Variants in MSH3 observed in about 807,000 individuals in gnomAD.
The protein encoded by MSH3 is DNA mismatch repair protein Msh3.
In MSH3, 106 loss-of-function variants were observed where a neutral mutation model predicts 123.3. The observed-to-expected ratio is 0.86, with a 90% CI of 0.73 to 1.01. MSH3 has a LOEUF of 1.01. MSH3 is among the 50% of genes least tolerant of loss of function. MSH3 has a pLI of 0.00. For synonymous variants in MSH3, 515 were observed against 481.4 expected, an observed-to-expected ratio of 1.07 and a Z score of -0.91; for missense variants, 1,459 against 1,347.6, an observed-to-expected ratio of 1.08 and a Z score of -1.29.
At chr5:80,765,636 G>A (rs1744109265) in intron 13 of MSH3, among the ~76,000 whole-genome samples, 1 of 152,132 alleles carries the variant, frequency 6.6e-6, no homozygotes, top group South Asian at 2.1e-4. Context: ...CATTTTGTCA[G>A]TTTTATTTTC....
rs999157792 is a variant in MSH3 at position 80,675,062 on chromosome 5, G to A, written c.1107G>A (p.Leu369=). 1 of 1,613,574 alleles carries A rather than the reference G, an allele frequency of 6.2e-7. No homozygotes were observed. Among genetic ancestry groups the A allele is most frequent in the Non-Finnish European group, 8.5e-7 (1 of 1,179,732 alleles). Residue 369 remains leucine, a synonymous_variant, in exon 7 of 24, where the codon CTG becomes CTA. Transcript: ENST00000265081. The part of the protein sequence containing the change: ...IMTDTSTSYL[L]CISENKENVR... ...CTGATACTTCTACCAGCTATCTTCT[G>A]TGCATCTCTGAAAATAAGGAAAATG...
intron 20 of MSH3, 37 bp downstream of exon 20, chr5:80,813,778 A>G: frequency 6.2e-7 from 1 of 1,609,512 alleles, no homozygotes; most frequent in Non-Finnish European, 8.5e-7. Context: ...TATTCTTGAA[A>G]ATAAGTCAAG....
chr5:80,843,524 C>T (rs557203253), intron 20 of MSH3, among the ~76,000 whole-genome samples: 30 of 152,124 alleles, frequency 2.0e-4, no homozygotes, highest in Non-Finnish European at 2.9e-4. Context: ...GCTGTGAATC[C>T]GTCTCGTCCT....
intron 2 of MSH3, among the ~76,000 whole-genome samples, chr5:80,660,844 C>G (rs1020758717): frequency 2.0e-5 from 3 of 152,252 alleles, no homozygotes; most frequent in African/African-American, 7.2e-5. Flanking sequence ...CTAGCACAGG[C>G]TGGAGTGCAG....
intron 8 of MSH3, among the ~76,000 whole-genome samples, chr5:80,692,861 GTA>G (rs1459501982): frequency 2.8e-5 from 3 of 108,878 alleles, no homozygotes; most frequent in South Asian, 6.1e-4. Context: ...ACATGCACAT[GTA>G]TATGTTTAGA....
chr5:80,858,498 C>T (rs1463096658), intron 21 of MSH3, among the ~76,000 whole-genome samples: 1 of 152,096 alleles, frequency 6.6e-6, no homozygotes, highest in Non-Finnish European at 1.5e-5. Context: ...TGTTTAGTCT[C>T]CATGTATTTG....
At chr5:80,835,351 T>C (rs1334969321) in intron 20 of MSH3, among the ~76,000 whole-genome samples, 1 of 152,152 alleles carries the variant, frequency 6.6e-6, no homozygotes, top group Non-Finnish European at 1.5e-5. Flanking sequence ...CATCTACAAA[T>C]GAGTAGTCAC....
At chr5:80,758,307 A>G (rs868555975) in intron 12 of MSH3, among the ~76,000 whole-genome samples, 32 of 152,320 alleles carry the variant, frequency 2.1e-4, no homozygotes, top group Middle Eastern at 3.4e-3. Context: ...AGTGTCTACT[A>G]CACAAAATTT....
intron 17 of MSH3, among the ~76,000 whole-genome samples, chr5:80,782,350 AG>A (rs2112012834): frequency 2.3e-5 from 1 of 44,426 alleles, no homozygotes; most frequent in East Asian, 0.014. Context: ...GAACACATAC[AG>A]GCTTTTTTTT....
intron 8 of MSH3, among the ~76,000 whole-genome samples, chr5:80,692,192 A>G (rs1291687136): frequency 7.3e-6 from 1 of 136,712 alleles, no homozygotes; most frequent in Non-Finnish European, 1.6e-5. Context: ...ATAAACATGT[A>G]TATGTTTAGA....
In MSH3 at chr5:80,665,129, A is replaced by C. The variant is rs766676509; in HGVS notation, c.359-14A>C. ...ATTACTATTGTTCTGTTTTCTTCTT[A>C]TTTGCTGCCTAAGAGCCAAAGAAAT... On this transcript the variant is annotated splice_polypyrimidine_tract_variant and intron_variant, in intron 2 of 23. Coordinates refer to ENST00000265081, the MANE Select transcript of MSH3 (RefSeq NM_002439.5). 1 of 1,606,606 alleles carries C rather than the reference A, an allele frequency of 6.2e-7. No homozygotes were observed.
intron 8 of MSH3, among the ~76,000 whole-genome samples, chr5:80,691,813 ATATG>A (rs1487035384): frequency 4.7e-5 from 7 of 147,948 alleles, no homozygotes; most frequent in Non-Finnish European, 7.5e-5. Context: ...ATCTAAATAT[ATATG>A]TATGTTTATA....
At chr5:80,752,749 T>G (rs1743859455) in intron 12 of MSH3, among the ~76,000 whole-genome samples, 1 of 152,116 alleles carries the variant, frequency 6.6e-6, no homozygotes, top group Non-Finnish European at 1.5e-5. Context: ...TTGGAAGCAG[T>G]GTAATTATTA....
chr5:80,675,893 T>C (rs1013582745), intron 7 of MSH3, among the ~76,000 whole-genome samples: 7 of 152,222 alleles, frequency 4.6e-5, no homozygotes, highest in African/African-American at 1.7e-4. Flanking sequence ...TGAATGACTA[T>C]GGTATTATAT....
At chr5:80,763,493 A>C (rs986960866) in intron 13 of MSH3, among the ~76,000 whole-genome samples, 2 of 152,204 alleles carry the variant, frequency 1.3e-5, no homozygotes, top group African/African-American at 2.4e-5. Context: ...TTGAAGTTGC[A>C]ATGTGGGTGC....
chr5:80,784,873 A>G (rs1744475956), intron 17 of MSH3, among the ~76,000 whole-genome samples: 1 of 152,238 alleles, frequency 6.6e-6, no homozygotes, highest in Admixed American at 6.5e-5. Context: ...TCTACTCAGT[A>G]AATAAGTATA....
At chr5:80,824,126 C>T (rs1256788013) in intron 20 of MSH3, among the ~76,000 whole-genome samples, 1 of 152,232 alleles carries the variant, frequency 6.6e-6, no homozygotes, top group Non-Finnish European at 1.5e-5. Flanking sequence ...AATCTGATTT[C>T]TCTGTCTTTT....
intron 12 of MSH3, among the ~76,000 whole-genome samples, chr5:80,760,688 T>A (rs1158041700): frequency 6.6e-6 from 1 of 152,254 alleles, no homozygotes; most frequent in Non-Finnish European, 1.5e-5. Context: ...AGTTTATTTC[T>A]TGCTAATATA....
chr5:80,697,800 T>A (rs1750517080), intron 8 of MSH3, among the ~76,000 whole-genome samples: 2 of 152,210 alleles, frequency 1.3e-5, no homozygotes, highest in Admixed American at 1.3e-4. Context: ...GTTACTCCAT[T>A]TTTTATAGTA....
Sources: allele counts gnomAD v4.1 joint callset (sites outside exome capture counted in the v4.1 genomes callset), GRCh38; gene constraint gnomAD v4.1.1; transcripts MANE v1.5; gene names NCBI Gene and HGNC (gene_info 2026-07-23, HGNC 2026-07-21).